DNMBP: variants seen among roughly 807,000 people sequenced by gnomAD.
DNMBP encodes dynamin binding protein, also known as dynamin-binding protein.
DNMBP carries 87 observed loss-of-function variants against 150.0 expected under a neutral mutation model. That is an observed-to-expected ratio of 0.58 (90% CI 0.49 to 0.69). The LOEUF (loss-of-function observed/expected upper bound fraction) is 0.69, where lower values mean the gene tolerates loss of function less well. DNMBP is among the 30% of genes least tolerant of loss of function. The pLI is 0.00. For missense variants in DNMBP, 1,774 were observed against 1,949.0 expected (o/e 0.91, Z 1.69); for synonymous variants, 711 against 750.4 (o/e 0.95, Z 0.86).
At chr10:99,886,273 A>T in intron 13 of DNMBP, 27 bp downstream of exon 13, 1 of 1,575,924 alleles carries the variant, frequency 6.3e-7, no homozygotes. Flanking sequence ...ATAGATGACC[A>T]TCCCACTGAA....
intron 4 of DNMBP, among the ~76,000 whole-genome samples, chr10:99,925,560 C>T (rs1017645290): frequency 1.3e-5 from 2 of 152,102 alleles, no homozygotes; most frequent in Non-Finnish European, 2.9e-5. Context: ...GGACTACAGG[C>T]GCCCACCAAC....
intron 1 of DNMBP, among the ~76,000 whole-genome samples, chr10:99,988,235 T>C (rs2040849749): frequency 6.6e-6 from 1 of 152,246 alleles, no homozygotes; most frequent in South Asian, 2.1e-4. Context: ...TGATGTATTA[T>C]CCTCTTTAGA....
At chr10:99,990,541 A>T (rs1355880672) in intron 1 of DNMBP, among the ~76,000 whole-genome samples, 1 of 151,172 alleles carries the variant, frequency 6.6e-6, no homozygotes, top group Non-Finnish European at 1.5e-5. Flanking sequence ...ACAAAGCCAG[A>T]TCCTGTCTCA....
chr10:99,906,366 T>C (rs1373114353), intron 6 of DNMBP, among the ~76,000 whole-genome samples: 1 of 152,126 alleles, frequency 6.6e-6, no homozygotes, highest in African/African-American at 2.4e-5. Flanking sequence ...TGGATGTTGT[T>C]GTATATGGTG....
At position 99,885,675 on chromosome 10, in the gene DNMBP, T is replaced by C; in HGVS notation, c.3798+12A>G. The C allele has an allele frequency of 6.4e-7, 1 of 1,554,554 alleles. No homozygotes were observed. Among genetic ancestry groups the C allele is most frequent in the African/African-American group, 1.4e-5 (1 of 73,484 alleles). Reference sequence around the variant, plus strand: ...CCCGAGGCGGGGCTGCTGCTCTCAGTTCCCTACTCACCAGGCCCAGGAGTG... The same window carrying C: ...CCCGAGGCGGGGCTGCTGCTCTCAGCTCCCTACTCACCAGGCCCAGGAGTG... On this transcript the variant is annotated intron_variant, in intron 14 of 16. Transcript: ENST00000324109.
intron 2 of DNMBP, among the ~76,000 whole-genome samples, chr10:99,970,773 C>G (rs971646347): frequency 1.3e-5 from 2 of 151,570 alleles, no homozygotes; most frequent in Non-Finnish European, 2.9e-5. Context: ...GAGATTGAGA[C>G]CATCCTGGCT....
intron 4 of DNMBP, among the ~76,000 whole-genome samples, chr10:99,938,923 A>G (rs866997563): frequency 5.9e-5 from 9 of 152,240 alleles, no homozygotes; most frequent in South Asian, 2.1e-4. Context: ...TCTTTTCAGC[A>G]GTCCTGAAGC....
chr10:99,920,321 C>T (rs1384308054), intron 4 of DNMBP, among the ~76,000 whole-genome samples: 4 of 152,096 alleles, frequency 2.6e-5, no homozygotes, highest in Admixed American at 2.6e-4. Context: ...GTGATCCACT[C>T]GCCTCGGCCT....
intron 1 of DNMBP, among the ~76,000 whole-genome samples, chr10:99,979,790 A>T (rs2040764044): frequency 6.6e-6 from 1 of 152,220 alleles, no homozygotes; most frequent in Non-Finnish European, 1.5e-5. Context: ...CCCACTTCAG[A>T]TTTGTGTAAC....
chr10:99,889,868 G>A (rs576705477), intron 11 of DNMBP, among the ~76,000 whole-genome samples: 1 of 152,114 alleles, frequency 6.6e-6, no homozygotes, highest in East Asian at 1.9e-4. Context: ...TATCAAATTA[G>A]AACCAAGATG....
At chr10:99,975,128 G>A (rs1014762090) in intron 1 of DNMBP, among the ~76,000 whole-genome samples, 4 of 152,182 alleles carry the variant, frequency 2.6e-5, no homozygotes, top group African/African-American at 7.2e-5. Context: ...GGGAGGCTGA[G>A]GCGGGTGGAT....
intron 6 of DNMBP, among the ~76,000 whole-genome samples, chr10:99,902,101 G>T (rs1589407559): frequency 6.6e-6 from 1 of 151,860 alleles, no homozygotes; most frequent in Non-Finnish European, 1.5e-5. Flanking sequence ...CGTTGGTCAG[G>T]CTGGTCACAA....
intron 4 of DNMBP, among the ~76,000 whole-genome samples, chr10:99,912,191 T>C (rs951970599): frequency 6.6e-6 from 1 of 152,174 alleles, no homozygotes; most frequent in East Asian, 1.9e-4. Context: ...CTAAATATAT[T>C]TAAATCCAAA....
chr10:99,995,936 A>T (rs2040946755), intron 1 of DNMBP, among the ~76,000 whole-genome samples: 1 of 152,266 alleles, frequency 6.6e-6, no homozygotes, highest in African/African-American at 2.4e-5. Flanking sequence ...GGCCACGTGG[A>T]CACATTATTA....
chr10:99,896,053 G>T (rs938590361), intron 10 of DNMBP, among the ~76,000 whole-genome samples: 1 of 152,134 alleles, frequency 6.6e-6, no homozygotes. Flanking sequence ...CTCCTTAGAG[G>T]TGGTGAAAAC....
At chr10:99,897,501 C>G (rs1175061282) in intron 9 of DNMBP, among the ~76,000 whole-genome samples, 4 of 152,178 alleles carry the variant, frequency 2.6e-5, no homozygotes, top group Non-Finnish European at 5.9e-5. Flanking sequence ...TGCCCGTGCT[C>G]GAATAAAACT....
In DNMBP at chr10:99,885,806, T is replaced by C. The variant is rs748296225; in HGVS notation, c.3679A>G (p.Arg1227Gly). 15 of 1,613,060 alleles carry C rather than the reference T, an allele frequency of 9.3e-6. 1 individual carries two copies. In the Admixed American group the frequency reaches 1.0e-4, roughly 11 times the overall value. ...AAAACCTGGAGTTGCTGCAGAACTC[T>C]GCTGTGCTCTTCGTGGAAGATGGCA... ...LIAIFHEEHS[R>G]VLQQLQVFTF... The change falls in exon 14 of 17, where the codon AGA becomes GGA. Residue 1227 changes from arginine to glycine, a missense_variant. Around this residue, in one of 2 missense-constraint regions of DNMBP, gnomAD observed 1,430 missense variants for 1,492.5 expected, o/e 0.96. Transcript: ENST00000324109.
At chr10:99,888,660 A>G (rs2133205951) in intron 12 of DNMBP, among the ~76,000 whole-genome samples, 165 bp downstream of exon 12, 1 of 152,294 alleles carries the variant, frequency 6.6e-6, no homozygotes, top group East Asian at 1.9e-4. Context: ...CCTTTAACTA[A>G]CTGAAAGTCA....
chr10:99,903,920 GA>G (rs2039783405), intron 6 of DNMBP, among the ~76,000 whole-genome samples: 1 of 149,798 alleles, frequency 6.7e-6, no homozygotes, highest in South Asian at 2.1e-4. Flanking sequence ...AAATAGAATG[GA>G]TTTTTTTTTT....
Sources: gnomAD v4.1 joint callset for allele counts (sites outside exome capture counted in the v4.1 genomes callset) on GRCh38, gnomAD v4.1.1 for gene constraint, gnomAD v4.1.1 regional missense constraint, MANE v1.5 for transcripts, NCBI Gene and HGNC (gene_info 2026-07-23, HGNC 2026-07-21) for gene names.